Variants in NUBPL observed in about 807,000 individuals in gnomAD.
NUBPL encodes the protein iron-sulfur cluster transfer protein NUBPL.
In NUBPL, 31 loss-of-function variants were observed where a neutral mutation model predicts 45.7. That is an observed-to-expected ratio of 0.68 (90% CI 0.51 to 0.92). The LOEUF is 0.92. Among genes scored for constraint, NUBPL ranks in the 40% least tolerant of loss-of-function variants. The pLI, the probability that NUBPL is intolerant of heterozygous loss-of-function variation, is 0.00. For missense variants in NUBPL, 401 were observed against 398.7 expected (o/e 1.01, Z -0.05); for synonymous variants, 144 against 140.9 (o/e 1.02, Z -0.15).
At chr14:31,826,268 G>A (rs967971467) in intron 7 of NUBPL, among the ~76,000 whole-genome samples, 13 of 151,874 alleles carry the variant, frequency 8.6e-5, no homozygotes, top group Non-Finnish European at 1.3e-4. Flanking sequence ...TTACAGGCAC[G>A]AGCCACCATG....
At chr14:31,632,897 A>G (rs2035381749) in intron 4 of NUBPL, among the ~76,000 whole-genome samples, 1 of 152,250 alleles carries the variant, frequency 6.6e-6, no homozygotes, top group Non-Finnish European at 1.5e-5. Context: ...ACATTGAAGC[A>G]TAGTAGTGGC....
intron 6 of NUBPL, among the ~76,000 whole-genome samples, chr14:31,684,896 A>C (rs1043137537): frequency 6.6e-6 from 1 of 152,060 alleles, no homozygotes; most frequent in Non-Finnish European, 1.5e-5. Flanking sequence ...TAATGAATTG[A>C]GGACTTCTCT....
At chr14:31,681,317 G>A (rs747395749) in intron 6 of NUBPL, among the ~76,000 whole-genome samples, 4 of 151,648 alleles carry the variant, frequency 2.6e-5, no homozygotes, top group Non-Finnish European at 5.9e-5. Context: ...TACTTTAATT[G>A]TATAATGTAC....
At chr14:31,852,005 C>T (rs1032118448) in intron 10 of NUBPL, among the ~76,000 whole-genome samples, 2 of 152,090 alleles carry the variant, frequency 1.3e-5, no homozygotes, top group Non-Finnish European at 2.9e-5. Flanking sequence ...TGATTTAATA[C>T]TCTAAATAGC....
chr14:31,807,816 G>A (rs1460685089), intron 7 of NUBPL, among the ~76,000 whole-genome samples: 4 of 152,166 alleles, frequency 2.6e-5, no homozygotes, highest in Non-Finnish European at 5.9e-5. Flanking sequence ...GTAAGGAAGG[G>A]ATCCAGTTTC....
chr14:31,801,311 G>T (rs1336123470), intron 7 of NUBPL: 1 of 152,220 alleles, frequency 6.6e-6, no homozygotes, highest in Non-Finnish European at 1.5e-5. Flanking sequence ...TCAACTCTTG[G>T]GGGACTGATC....
At chr14:31,678,223 G>A (rs1164715908) in intron 6 of NUBPL, among the ~76,000 whole-genome samples, 1 of 152,190 alleles carries the variant, frequency 6.6e-6, no homozygotes, top group Non-Finnish European at 1.5e-5. Flanking sequence ...CTGGCCCAGA[G>A]CAGGTCCAGA....
At chr14:31,851,252 T>C (rs978387009) in intron 10 of NUBPL, among the ~76,000 whole-genome samples, 1 of 146,460 alleles carries the variant, frequency 6.8e-6, no homozygotes, top group African/African-American at 2.6e-5. Context: ...TTTTTTTTTC[T>C]TTTCCTTAAC....
intron 6 of NUBPL, among the ~76,000 whole-genome samples, chr14:31,725,480 C>G (rs2037900300): frequency 6.6e-6 from 1 of 152,000 alleles, no homozygotes; most frequent in South Asian, 2.1e-4. Flanking sequence ...AATGAGATAC[C>G]TTGAGGATGG....
chr14:31,741,671 C>T (rs1296851478), intron 6 of NUBPL, among the ~76,000 whole-genome samples: 1 of 152,038 alleles, frequency 6.6e-6, no homozygotes, highest in Non-Finnish European at 1.5e-5. Flanking sequence ...AGTTTTTGAC[C>T]CTCAGACTTG....
intron 10 of NUBPL, among the ~76,000 whole-genome samples, chr14:31,857,431 C>T (rs1389888823): frequency 6.6e-6 from 1 of 152,204 alleles, no homozygotes; most frequent in African/African-American, 2.4e-5. Flanking sequence ...TGGGGATTAA[C>T]ATTCGGCTCC....
At position 31,724,575 on chromosome 14, in the gene NUBPL, T is replaced by C. The variant is rs372781857; in HGVS notation, c.513+51001T>C. ...AAATAAGAGACACTGCTATTGGTAG[T>C]TATAATAGCTAGCATTGTTTGAATG... On this transcript the variant is annotated intron_variant, in intron 6 of 10. Transcript: ENST00000281081. Among the ~76,000 whole-genome samples the C allele has an allele frequency of 7.2e-5, 11 of 152,220 alleles. No individual in the cohort carries two copies. The East Asian group carries it at 2.1e-3, about 29-fold the overall frequency.
At chr14:31,564,407 G>A (rs1228697219) in intron 2 of NUBPL, among the ~76,000 whole-genome samples, 7 of 151,664 alleles carry the variant, frequency 4.6e-5, no homozygotes, top group Non-Finnish European at 5.9e-5. Flanking sequence ...AAGGCAGTAG[G>A]GGCAGGATGC....
At chr14:31,730,858 G>A (rs533396826) in intron 6 of NUBPL, among the ~76,000 whole-genome samples, 2 of 152,212 alleles carry the variant, frequency 1.3e-5, no homozygotes, top group East Asian at 1.9e-4. Context: ...GGAAGAGGAC[G>A]TTGTCAGCCA....
Position 31,681,789 on chromosome 14 carries a change from A to G in NUBPL, c.513+8215A>G, listed in dbSNP as rs534705432. Among the ~76,000 whole-genome samples the G allele has an allele frequency of 1.4e-4, 21 of 152,154 alleles. No homozygotes were observed. In the East Asian group the frequency reaches 2.1e-3, roughly 15 times the overall value. On this transcript the variant is annotated intron_variant, in intron 6 of 10. Transcript: ENST00000281081. ...TTCTAATTTCCTTCTTTTGCCTACA[A>G]ATATTTTTGGTATGTTGTTTAATAT...
chr14:31,650,762 T>C (rs1332934939), intron 4 of NUBPL, among the ~76,000 whole-genome samples: 1 of 152,080 alleles, frequency 6.6e-6, no homozygotes, highest in African/African-American at 2.4e-5. Flanking sequence ...GGGTAATATA[T>C]AAAGAAAAAA....
intron 6 of NUBPL, among the ~76,000 whole-genome samples, chr14:31,776,332 G>T (rs767674178): frequency 6.6e-6 from 1 of 152,122 alleles, no homozygotes; most frequent in Non-Finnish European, 1.5e-5. Context: ...AAGAGAACTG[G>T]AACTGTCACC....
chr14:31,656,580 G>A (rs1435298490), intron 4 of NUBPL, among the ~76,000 whole-genome samples: 3 of 151,828 alleles, frequency 2.0e-5, no homozygotes, highest in Admixed American at 6.6e-5. Context: ...GGCCTGAGGA[G>A]AGAGAGAGAG....
At chr14:31,640,278 A>G (rs1228612539) in intron 4 of NUBPL, among the ~76,000 whole-genome samples, 1 of 151,992 alleles carries the variant, frequency 6.6e-6, no homozygotes, top group African/African-American at 2.4e-5. Context: ...CTTTAATCTT[A>G]TGCTTACCTA....
Sources: allele counts gnomAD v4.1 joint callset (sites outside exome capture counted in the v4.1 genomes callset), GRCh38; gene constraint gnomAD v4.1.1; transcripts MANE v1.5; gene names NCBI Gene and HGNC (gene_info 2026-07-23, HGNC 2026-07-21).